The following OSBP2 variants were observed in gnomAD, a reference collection of about 807,000 sequenced individuals.
The protein encoded by OSBP2 is oxysterol binding protein 2, also known as oxysterol-binding protein 2.
A neutral mutation model predicts 96.0 loss-of-function variants in OSBP2; 66 were observed. That is an observed-to-expected ratio of 0.69 (90% CI 0.56 to 0.84). The LOEUF (loss-of-function observed/expected upper bound fraction) is 0.84. Among genes scored for constraint, OSBP2 ranks in the 40% least tolerant of loss-of-function variants. The pLI is 0.00. For missense variants in OSBP2, 1,038 were observed against 1,222.7 expected (o/e 0.85, Z 2.25); for synonymous variants, 525 against 520.9 (o/e 1.01, Z -0.11).
intron 2 of OSBP2, among the ~76,000 whole-genome samples, chr22:30,795,763 C>T (rs1416085766): frequency 2.6e-5 from 4 of 152,208 alleles, no homozygotes; most frequent in African/African-American, 9.7e-5. Flanking sequence ...AGGTGATCCG[C>T]CTGCCTTGGC....
At chr22:30,807,371 T>C (rs1602292016) in intron 2 of OSBP2, among the ~76,000 whole-genome samples, 1 of 152,340 alleles carries the variant, frequency 6.6e-6, no homozygotes, top group African/African-American at 2.4e-5. Flanking sequence ...ACTGACTCTT[T>C]GCAAATGCCC....
intron 2 of OSBP2, among the ~76,000 whole-genome samples, chr22:30,771,262 C>T (rs760956788): frequency 2.0e-4 from 30 of 152,200 alleles, no homozygotes; most frequent in Non-Finnish European, 4.0e-4. Context: ...GGCTCAGACC[C>T]TCCTCTGGAG....
intron 2 of OSBP2, among the ~76,000 whole-genome samples, chr22:30,843,873 AT>A (rs760334311): frequency 0.011 from 1,573 of 139,466 alleles, 3 homozygotes; most frequent in African/African-American, 0.014. Flanking sequence ...GTCTCAAACA[AT>A]TTTTTTTTTT....
chr22:30,828,493 G>A (rs758073823), intron 2 of OSBP2, among the ~76,000 whole-genome samples: 4 of 152,202 alleles, frequency 2.6e-5, no homozygotes, highest in Non-Finnish European at 5.9e-5. Flanking sequence ...TCCAGGAGGC[G>A]CTGGCCATGC....
At chr22:30,896,554 C>T (rs1362580844) in intron 12 of OSBP2, among the ~76,000 whole-genome samples, 1 of 151,540 alleles carries the variant, frequency 6.6e-6, no homozygotes, top group Non-Finnish European at 1.5e-5. Context: ...TATAAATTAA[C>T]ATGATAGCAA....
intron 13 of OSBP2, 51 bp from the exon 14 acceptor site, chr22:30,906,145 CG>C (rs751836125): frequency 3.7e-6 from 6 of 1,612,004 alleles, no homozygotes; most frequent in Non-Finnish European, 5.1e-6. Flanking sequence ...GGACGGATTC[CG>C]GGGGAGCAGG....
At chr22:30,804,776 T>C (rs2090903657) in intron 2 of OSBP2, among the ~76,000 whole-genome samples, 1 of 152,202 alleles carries the variant, frequency 6.6e-6, no homozygotes. Context: ...GCCAGATGAA[T>C]GAACGTCTTT....
At chr22:30,868,293 C>T (rs565518794) in intron 2 of OSBP2, among the ~76,000 whole-genome samples, 155 of 152,368 alleles carry the variant, frequency 1.0e-3, no homozygotes, top group African/African-American at 3.5e-3. Context: ...CTTGGCCTCT[C>T]AGAACCTGCA....
chr22:30,751,706 A>G (rs1467395844), intron 2 of OSBP2, among the ~76,000 whole-genome samples: 1 of 152,194 alleles, frequency 6.6e-6, no homozygotes, highest in African/African-American at 2.4e-5. Context: ...CCCAGCACTC[A>G]TAAATCATCC....
chr22:30,835,034 C>G (rs1027296600), intron 2 of OSBP2, among the ~76,000 whole-genome samples: 1 of 152,096 alleles, frequency 6.6e-6, no homozygotes, highest in Non-Finnish European at 1.5e-5. Context: ...CAGGTGGTCT[C>G]GAACTTCTGA....
intron 1 of OSBP2, among the ~76,000 whole-genome samples, chr22:30,701,339 CTTTTCTTTTT>C (rs1569087838): frequency 7.2e-6 from 1 of 139,290 alleles, no homozygotes; most frequent in East Asian, 2.3e-4. Flanking sequence ...TTTTCTTTTT[CTTTTCTTTTT>C]TTTTTTTTTT....
intron 1 of OSBP2, among the ~76,000 whole-genome samples, chr22:30,720,740 G>C (rs1480768619): frequency 6.6e-6 from 1 of 152,206 alleles, no homozygotes; most frequent in Non-Finnish European, 1.5e-5. Flanking sequence ...GGTTTTGCTA[G>C]TAATGAATGC....
chr22:30,741,359 C>T lies in OSBP2; in HGVS notation c.843C>T (p.Asn281=), dbSNP rs2089935149. The T allele has an allele frequency of 1.2e-6, 2 of 1,608,584 alleles. No individual in the cohort carries two copies. The highest frequency in any genetic ancestry group is 1.7e-6 in the Non-Finnish European group (2 of 1,179,188). The change falls in exon 2 of 14, where the codon AAC becomes AAT. Residue 281 remains asparagine (N), a synonymous_variant. Coordinates refer to ENST00000332585, the MANE Select transcript of OSBP2 (RefSeq NM_030758.4). The part of the protein sequence containing the change: ...LAKAKAVRVM[N]THSDDSGDDD... ...AGGCCAAGGCTGTCCGCGTGATGAA[C>T]ACTCATTCAGGTAGTGAGCACTTGG...
intron 2 of OSBP2, among the ~76,000 whole-genome samples, chr22:30,832,355 A>G (rs2038541109): frequency 6.0e-5 from 9 of 150,468 alleles, no homozygotes; most frequent in Admixed American, 6.0e-4. Flanking sequence ...CAGTGGCATG[A>G]TCATGGCTCA....
In OSBP2 at chr22:30,890,561, A is replaced by C. The variant is rs1352421876; in HGVS notation, c.1624-167A>C. Among the ~76,000 whole-genome samples the C allele has an allele frequency of 2.0e-5, 3 of 152,174 alleles. No homozygotes were observed. Among genetic ancestry groups the C allele is most frequent in the Non-Finnish European group, 4.4e-5 (3 of 68,022 alleles). On this transcript the variant is annotated intron_variant, in intron 7 of 13. Transcript: ENST00000332585. This position sits in a 1 kb window ranked among gnomAD's most constrained non-coding sequence, Gnocchi z 4.4. ...GTGGAGAAAACAGCCAGGAGGGGCC[A>C]GGGAGGTGATGGCTTGGGGGCCACA...
At chr22:30,794,507 C>T (rs938194550) in intron 2 of OSBP2, among the ~76,000 whole-genome samples, 2 of 151,964 alleles carry the variant, frequency 1.3e-5, no homozygotes, top group African/African-American at 2.4e-5. Context: ...TCGAGTGATC[C>T]GCCCGCCTCA....
chr22:30,742,861 C>T (rs781616471), intron 2 of OSBP2, among the ~76,000 whole-genome samples: 1 of 152,106 alleles, frequency 6.6e-6, no homozygotes, highest in Non-Finnish European at 1.5e-5. Flanking sequence ...TCCAGGAAGC[C>T]GGCTTGCTGG....
chr22:30,788,112 A>C (rs1230569392), intron 2 of OSBP2, among the ~76,000 whole-genome samples: 1 of 152,162 alleles, frequency 6.6e-6, no homozygotes, highest in Non-Finnish European at 1.5e-5. Flanking sequence ...CTTTATTTGA[A>C]AACTAGGGCT....
chr22:30,841,896 G>T (rs1280754643), intron 2 of OSBP2, among the ~76,000 whole-genome samples: 2 of 151,994 alleles, frequency 1.3e-5, no homozygotes, highest in Non-Finnish European at 2.9e-5. Flanking sequence ...TGACTACTTG[G>T]GATTGAACCA....
Sources: allele counts gnomAD v4.1 joint callset (sites outside exome capture counted in the v4.1 genomes callset), GRCh38; gene constraint gnomAD v4.1.1; non-coding constraint Gnocchi (gnomAD v3.1); transcripts MANE v1.5; gene names NCBI Gene and HGNC (gene_info 2026-07-23, HGNC 2026-07-21).